Variants in CCDC85A observed in about 807,000 individuals in gnomAD.
CCDC85A encodes the protein coiled-coil domain containing 85A, also known as coiled-coil domain-containing protein 85A.
A neutral mutation model predicts 50.2 loss-of-function variants in CCDC85A; 38 were observed. That is an observed-to-expected ratio of 0.76 (90% CI 0.58 to 0.99). The LOEUF is 0.99. CCDC85A is among the 50% of genes least tolerant of loss of function. The pLI is 0.00. For synonymous variants in CCDC85A, 366 were observed against 301.4 expected (o/e 1.21, Z -2.22); for missense variants, 820 against 742.0 (o/e 1.11, Z -1.22).
At chr2:56,344,139 C>A (rs909129208) in intron 3 of CCDC85A, among the ~76,000 whole-genome samples, 1 of 152,102 alleles carries the variant, frequency 6.6e-6, no homozygotes, top group Non-Finnish European at 1.5e-5. Flanking sequence ...CGGATAGTAC[C>A]AAACCCTACA....
At chr2:56,332,967 C>G (rs920994122) in intron 2 of CCDC85A, among the ~76,000 whole-genome samples, 1 of 152,154 alleles carries the variant, frequency 6.6e-6, no homozygotes, top group African/African-American at 2.4e-5. Context: ...TTCTACATTA[C>G]TGGTTGATTC....
intron 3 of CCDC85A, among the ~76,000 whole-genome samples, chr2:56,348,770 G>A (rs1674756868): frequency 6.6e-6 from 1 of 152,176 alleles, no homozygotes; most frequent in African/African-American, 2.4e-5. Context: ...GGGCAGAGAA[G>A]GGAGGCTTCT....
At chr2:56,234,748 CCTT>C (rs1668931252) in intron 2 of CCDC85A, among the ~76,000 whole-genome samples, 1 of 152,086 alleles carries the variant, frequency 6.6e-6, no homozygotes, top group Non-Finnish European at 1.5e-5. Context: ...TGTCCTTACT[CCTT>C]GATTATGTAT....
intron 2 of CCDC85A, among the ~76,000 whole-genome samples, chr2:56,216,471 C>CT (rs1386422264): frequency 6.6e-6 from 1 of 151,580 alleles, no homozygotes. Context: ...TAATTTGTTC[C>CT]TTCCTGACTG....
At chr2:56,261,356 G>A (rs983674921) in intron 2 of CCDC85A, among the ~76,000 whole-genome samples, 2 of 152,158 alleles carry the variant, frequency 1.3e-5, no homozygotes, top group African/African-American at 4.8e-5. Context: ...GCATTTGAAT[G>A]TATTTTACAT....
chr2:56,231,489 G>A (rs1390608169), intron 2 of CCDC85A, among the ~76,000 whole-genome samples: 3 of 152,122 alleles, frequency 2.0e-5, no homozygotes, highest in African/African-American at 7.2e-5. Flanking sequence ...TTAAAGGAAG[G>A]AACTTCTTAG....
intron 2 of CCDC85A, among the ~76,000 whole-genome samples, chr2:56,226,602 T>G (rs1558593913): frequency 6.6e-6 from 1 of 152,150 alleles, no homozygotes; most frequent in Non-Finnish European, 1.5e-5. Flanking sequence ...TTCCTGCGTT[T>G]TAGCTTCATT....
At chr2:56,337,471 G>A (rs1192026667) in intron 2 of CCDC85A, among the ~76,000 whole-genome samples, 2 of 152,232 alleles carry the variant, frequency 1.3e-5, no homozygotes, top group African/African-American at 4.8e-5. Context: ...GAAATAATCT[G>A]GCCTCTCCTC....
intron 3 of CCDC85A, among the ~76,000 whole-genome samples, chr2:56,368,916 T>C (rs1675939728): frequency 6.6e-6 from 1 of 152,052 alleles, no homozygotes; most frequent in Non-Finnish European, 1.5e-5. Context: ...AACAAAACTT[T>C]TTTTAGGAAG....
intron 2 of CCDC85A, among the ~76,000 whole-genome samples, chr2:56,227,838 T>C (rs1246580000): frequency 6.6e-6 from 1 of 152,138 alleles, no homozygotes; most frequent in Non-Finnish European, 1.5e-5. Flanking sequence ...CCCTATGGGT[T>C]TGTTAATGGT....
At chr2:56,356,995 C>T (rs57258670) in intron 3 of CCDC85A, among the ~76,000 whole-genome samples, 19 of 151,334 alleles carry the variant, frequency 1.3e-4, no homozygotes, top group East Asian at 7.8e-4. Flanking sequence ...AGGATAATGA[C>T]GTGAACCTGG....
At chr2:56,215,337 G>A (rs1403177474) in intron 2 of CCDC85A, among the ~76,000 whole-genome samples, 6 of 151,808 alleles carry the variant, frequency 4.0e-5, no homozygotes, top group Admixed American at 2.6e-4. Context: ...GCATCTGCCA[G>A]TAAAGATAGT....
At chr2:56,315,660 T>C (rs1263213784) in intron 2 of CCDC85A, among the ~76,000 whole-genome samples, 1 of 152,110 alleles carries the variant, frequency 6.6e-6, no homozygotes, top group Non-Finnish European at 1.5e-5. Context: ...GACTGACCCT[T>C]ACAGGCTGAT....
chr2:56,264,441 A>G (rs952949205), intron 2 of CCDC85A, among the ~76,000 whole-genome samples: 1 of 152,116 alleles, frequency 6.6e-6, no homozygotes, highest in African/African-American at 2.4e-5. Flanking sequence ...TGACTCTCAC[A>G]TCTTGTCTAT....
At chr2:56,194,695 G>A (rs1231698410) in intron 2 of CCDC85A, among the ~76,000 whole-genome samples, 1 of 152,232 alleles carries the variant, frequency 6.6e-6, no homozygotes, top group Non-Finnish European at 1.5e-5. Flanking sequence ...TTAAGCACAA[G>A]TGGAAATAAA....
intron 2 of CCDC85A, among the ~76,000 whole-genome samples, chr2:56,323,532 C>G (rs1179843278): frequency 6.6e-6 from 1 of 151,942 alleles, no homozygotes; most frequent in East Asian, 1.9e-4. Flanking sequence ...TGAGAAAGTT[C>G]CAAATGCCCC....
At chr2:56,368,645 C>T (rs1308621593) in intron 3 of CCDC85A, among the ~76,000 whole-genome samples, 1 of 151,982 alleles carries the variant, frequency 6.6e-6, no homozygotes, top group African/African-American at 2.4e-5. Flanking sequence ...TTCAGGCTTC[C>T]GTAGTTGGCC....
intron 2 of CCDC85A, among the ~76,000 whole-genome samples, chr2:56,263,461 T>C (rs1301896595): frequency 6.6e-6 from 1 of 152,212 alleles, no homozygotes; most frequent in Non-Finnish European, 1.5e-5. Flanking sequence ...GAGTTTCCAT[T>C]CCATGCCCCT....
intron 2 of CCDC85A, among the ~76,000 whole-genome samples, chr2:56,307,152 GA>G (rs1165953191): frequency 6.6e-6 from 1 of 152,098 alleles, no homozygotes; most frequent in East Asian, 1.9e-4. Context: ...CCTTTATATA[GA>G]AATTGTTTCT....
Sources: allele counts gnomAD v4.1 joint callset (sites outside exome capture counted in the v4.1 genomes callset), GRCh38; gene constraint gnomAD v4.1.1; transcripts MANE v1.5; gene names NCBI Gene and HGNC (gene_info 2026-07-23, HGNC 2026-07-21).